The following POU2F1 variants were observed in gnomAD, a reference collection of about 807,000 sequenced individuals.
The protein encoded by POU2F1 is POU domain, class 2, transcription factor 1.
A neutral mutation model predicts 84.9 loss-of-function variants in POU2F1; 16 were observed. That is an observed-to-expected ratio of 0.19 (90% CI 0.13 to 0.29). The LOEUF is 0.29. Ranked by LOEUF, POU2F1 falls within the 10% of genes least tolerant of loss-of-function variation. The pLI is 1.00. For missense variants in POU2F1, 738 were observed against 942.6 expected, an observed-to-expected ratio of 0.78 and a Z score of 2.84; for synonymous variants, 368 against 368.3, an observed-to-expected ratio of 1.00 and a Z score of 0.01.
chr1:167,340,417 T>C (rs543442502), intron 2 of POU2F1, among the ~76,000 whole-genome samples: 1 of 142,648 alleles, frequency 7.0e-6, no homozygotes, highest in South Asian at 2.1e-4. Flanking sequence ...ATGTTGTTTC[T>C]TTTTTCTTTT....
At chr1:167,341,801 G>A (rs575862905) in intron 2 of POU2F1, among the ~76,000 whole-genome samples, 19 of 152,298 alleles carry the variant, frequency 1.2e-4, no homozygotes, top group African/African-American at 4.6e-4. Flanking sequence ...GAAGAATCAG[G>A]TCACACATGG....
chr1:167,289,916 A>C (rs115000211), intron 1 of POU2F1, among the ~76,000 whole-genome samples: 1 of 152,208 alleles, frequency 6.6e-6, no homozygotes, highest in Non-Finnish European at 1.5e-5. Context: ...ACATTTTTAC[A>C]TAGGGAGACA....
intron 1 of POU2F1, among the ~76,000 whole-genome samples, chr1:167,301,654 C>G (rs1654709403): frequency 6.6e-6 from 1 of 152,074 alleles, no homozygotes; most frequent in Non-Finnish European, 1.5e-5. Flanking sequence ...CAATGGACAG[C>G]AAGAAAGAGC....
intron 3 of POU2F1, among the ~76,000 whole-genome samples, chr1:167,367,678 G>A (rs1315795031): frequency 6.6e-6 from 1 of 152,026 alleles, no homozygotes; most frequent in Non-Finnish European, 1.5e-5. Context: ...AGAATCACCA[G>A]TTGTTACTAT....
chr1:167,381,301 T>C (rs898902201), intron 7 of POU2F1, among the ~76,000 whole-genome samples: 1 of 152,184 alleles, frequency 6.6e-6, no homozygotes, highest in Non-Finnish European at 1.5e-5. Flanking sequence ...GCCAGGATGG[T>C]CTCGATTTCC....
chr1:167,231,326 C>T (rs1399517375), intron 1 of POU2F1, among the ~76,000 whole-genome samples: 1 of 152,090 alleles, frequency 6.6e-6, no homozygotes, highest in Non-Finnish European at 1.5e-5. Flanking sequence ...GTTCGGCTTT[C>T]ATCTGGGTAC....
At chr1:167,376,378 A>G (rs1487334613) in intron 7 of POU2F1, among the ~76,000 whole-genome samples, 1 of 152,234 alleles carries the variant, frequency 6.6e-6, no homozygotes, top group Non-Finnish European at 1.5e-5. Context: ...CTGCTTAATC[A>G]CTAAGGAAGA....
At chr1:167,314,239 C>T (rs1655718820) in intron 1 of POU2F1, among the ~76,000 whole-genome samples, 3 of 151,348 alleles carry the variant, frequency 2.0e-5, no homozygotes, top group South Asian at 4.2e-4. Context: ...AAGAAATAGA[C>T]ATGTCACTGA....
At chr1:167,268,350 T>G (rs1036185143) in intron 1 of POU2F1, among the ~76,000 whole-genome samples, 1 of 152,178 alleles carries the variant, frequency 6.6e-6, no homozygotes, top group African/African-American at 2.4e-5. Context: ...TAGAACTAAT[T>G]TTTTCAAATT....
At position 167,304,100 on chromosome 1, in the gene POU2F1, C is replaced by T. The variant is rs898184514; in HGVS notation, c.62-28370C>T. ...AGATCCGACTCCAGTTCAGAATCTACATCTGACTCCTAGTCTAGTGCCTTT... is the reference window on the plus strand; with the variant it reads ...AGATCCGACTCCAGTTCAGAATCTATATCTGACTCCTAGTCTAGTGCCTTT... On this transcript the variant is annotated intron_variant, in intron 1 of 15. Coordinates refer to ENST00000367866, the MANE Select transcript of POU2F1 (RefSeq NM_002697.4). Among the ~76,000 whole-genome samples the T allele has an allele frequency of 8.5e-4, 129 of 152,292 alleles. 4 individuals are homozygous for T. The highest frequency in any genetic ancestry group is 5.2e-4 in the Admixed American group (8 of 15,298).
chr1:167,262,056 G>A (rs1651606735), intron 1 of POU2F1, among the ~76,000 whole-genome samples: 1 of 152,178 alleles, frequency 6.6e-6, no homozygotes, highest in South Asian at 2.1e-4. Flanking sequence ...CCTAAGAATA[G>A]AACCTTAGGA....
intron 13 of POU2F1, among the ~76,000 whole-genome samples, chr1:167,404,295 CA>C (rs1425395838): frequency 6.6e-6 from 1 of 151,418 alleles, no homozygotes; most frequent in Non-Finnish European, 1.5e-5. Context: ...GTGATGAATG[CA>C]AGATTACATT....
At chr1:167,246,718 C>T (rs1046514852) in intron 1 of POU2F1, among the ~76,000 whole-genome samples, 4 of 152,060 alleles carry the variant, frequency 2.6e-5, no homozygotes, top group Admixed American at 2.6e-4. Context: ...AAACATATAC[C>T]TTAAGGAAAT....
rs1571484591 is a variant in POU2F1 at position 167,419,650 on chromosome 1, C to T, written c.*3840C>T. The T allele has an allele frequency of 1.3e-5, 2 of 152,278 alleles. No homozygotes were observed. The highest frequency in any genetic ancestry group is 4.8e-5 in the African/African-American group (2 of 41,554). The allele number at this position is 152,278 out of a possible 1,614,324, so 9.4% of individuals were successfully genotyped here. A position where few individuals can be genotyped will look rare whatever the true frequency, so the allele number is the denominator to read the frequency against. ...GAGTGCTGTATTAGTTTAAGTGTTTCTAAAGTTCTATAGGCAGCATTTTAG... is the reference window on the plus strand; with the variant it reads ...GAGTGCTGTATTAGTTTAAGTGTTTTTAAAGTTCTATAGGCAGCATTTTAG... On this transcript the variant is annotated 3_prime_UTR_variant, in exon 16 of 16. Transcript: ENST00000367866.
intron 1 of POU2F1, among the ~76,000 whole-genome samples, chr1:167,233,701 A>G (rs1649241354): frequency 6.6e-6 from 1 of 152,248 alleles, no homozygotes; most frequent in African/African-American, 2.4e-5. Context: ...CAGCACTTTC[A>G]AGGAACAAAA....
intron 1 of POU2F1, among the ~76,000 whole-genome samples, chr1:167,253,380 C>A (rs79437076): frequency 5.4e-5 from 1 of 18,504 alleles, no homozygotes; most frequent in Non-Finnish European, 1.6e-4. Flanking sequence ...TTTTCTGCCC[C>A]CCCCCCCCCA....
Position 167,401,398 on chromosome 1 carries a change from C to G in POU2F1, c.1450-53C>G. 4.7e-6 allele frequency: 6 copies of G among 1,269,092 alleles called. No individual in the cohort carries two copies. The South Asian group carries it at 7.7e-5, about 16-fold the overall frequency. The allele number at this position is 1,269,092 out of a possible 1,614,324, so 78.6% of individuals were successfully genotyped here. On this transcript the variant is annotated intron_variant, in intron 12 of 15. Transcript: ENST00000367866. ...AAGAAAGACTGTAAAATCATTTCCT[C>G]TTTAAGTTTTGATTTTAAGTGCTTT...
chr1:167,269,501 G>A (rs574575764), intron 1 of POU2F1, among the ~76,000 whole-genome samples: 5 of 152,350 alleles, frequency 3.3e-5, no homozygotes, highest in African/African-American at 1.2e-4. Context: ...TAAGTGGTTT[G>A]TGGTAGAGTT....
chr1:167,292,376 G>A (rs114336556), intron 1 of POU2F1, among the ~76,000 whole-genome samples: 145 of 151,648 alleles, frequency 9.6e-4, no homozygotes, highest in African/African-American at 3.5e-3. Flanking sequence ...ATTATTGTTA[G>A]TTGTTGAACA....
Sources: allele counts gnomAD v4.1 joint callset (sites outside exome capture counted in the v4.1 genomes callset), GRCh38; gene constraint gnomAD v4.1.1; transcripts MANE v1.5; gene names NCBI Gene and HGNC (gene_info 2026-07-23, HGNC 2026-07-21).